RELT: variants seen among roughly 807,000 people sequenced by gnomAD.
RELT encodes the protein tumor necrosis factor receptor superfamily member 19L.
RELT carries 37 observed loss-of-function variants against 51.1 expected under a neutral mutation model. The observed-to-expected ratio is 0.72, with a 90% CI of 0.56 to 0.95. The LOEUF is 0.95. Among genes scored for constraint, RELT ranks in the 40% least tolerant of loss-of-function variants. The probability of loss-of-function intolerance (pLI) is 0.00; values close to 1 mark genes in which losing one functional copy is unlikely to be tolerated. For synonymous variants in RELT, 241 were observed against 235.7 expected (o/e 1.02, Z -0.21); for missense variants, 535 against 572.6 (o/e 0.93, Z 0.67).
Position 73,392,553 on chromosome 11 carries a change from G to C in RELT, c.625+85G>C. On this transcript the variant is annotated intron_variant, in intron 6 of 10. Transcript: ENST00000064780. ...ACTTGGGGGCTGCCAGCGGAATCCT[G>C]CCTGGCCTCTGGGGTCTGAGAGGGA... The C allele has an allele frequency of 2.0e-6, 3 of 1,515,616 alleles. No homozygotes were observed. The South Asian group carries it at 3.6e-5, about 18-fold the overall frequency. The allele number at this position is 1,515,616 out of a possible 1,614,324, so 93.9% of individuals were successfully genotyped here.
chr11:73,394,789 C>A lies in RELT; in HGVS notation c.1046+55C>A. 1.3e-6 allele frequency: 2 copies of A among 1,574,286 alleles called. No homozygotes were observed. The highest frequency in any genetic ancestry group is 2.3e-5 in the East Asian group (1 of 44,246). On this transcript the variant is annotated intron_variant, in intron 9 of 10. Transcript: ENST00000064780. This position sits in a 1 kb window ranked among gnomAD's most constrained non-coding sequence, Gnocchi z 4.9. ...GGTAAAGACGTGACAGCCTGGGGGCCGGGAGGGGGAGGCAGGGCCCCAGCT... is the reference window on the plus strand; with the variant it reads ...GGTAAAGACGTGACAGCCTGGGGGCAGGGAGGGGGAGGCAGGGCCCCAGCT...
At chr11:73,385,778 G>A (rs1340278103) in intron 1 of RELT, among the ~76,000 whole-genome samples, 3 of 152,216 alleles carry the variant, frequency 2.0e-5, no homozygotes, top group Non-Finnish European at 2.9e-5. Context: ...TGGAATCCCA[G>A]TACTTTGGGA....
In RELT at chr11:73,394,303, C is replaced by T. The variant is rs779358521; in HGVS notation, c.774C>T (p.His258=). Residue 258 remains histidine, a synonymous_variant, in exon 8 of 11, where the codon CAC becomes CAT. Transcript: ENST00000064780. The surrounding 1 kb of genome is among the most constrained non-coding windows in gnomAD (Gnocchi z 4.9). ...YHSKQLVQTS[H]RPVSKLPPAP... The stretch of plus-strand genomic sequence containing the variant: ...GCAAACAGCTGGTGCAGACGAGCCA[C>T]AGGCCTGTGTCCAAGTGAGTGGGCT... 6.2e-6 allele frequency: 10 copies of T among 1,613,024 alleles called. No homozygotes were observed. Among genetic ancestry groups the T allele is most frequent in the Non-Finnish European group, 8.5e-6 (10 of 1,179,948 alleles).
rs78317236 is a variant in RELT, at chr11:73,388,301, T to A, written c.-25-811T>A. Among the ~76,000 whole-genome samples, 16 of 152,306 alleles carry A rather than the reference T, an allele frequency of 1.1e-4. No homozygotes were observed. In the East Asian group the frequency reaches 3.1e-3, roughly 29 times the overall value. On this transcript the variant is annotated intron_variant, in intron 1 of 10. Coordinates refer to ENST00000064780, the MANE Select transcript of RELT (RefSeq NM_152222.2). This position sits in a 1 kb window ranked among gnomAD's most constrained non-coding sequence, Gnocchi z 4.1. Reference sequence around the variant, plus strand: ...GCAGACAGGGACCTTGTCTGTCTTGTTCATACCGATTTCTCCAGTGCCCGC... The same window carrying A: ...GCAGACAGGGACCTTGTCTGTCTTGATCATACCGATTTCTCCAGTGCCCGC...
intron 5 of RELT, 53 bp downstream of exon 5, chr11:73,391,276 C>A: frequency 6.6e-7 from 1 of 1,519,842 alleles, no homozygotes; most frequent in Non-Finnish European, 9.0e-7. Context: ...CGGGAGGGGC[C>A]AGTGAGTTGG....
Position 73,393,440 on chromosome 11 carries a change from G to T in RELT, c.626-397G>T. 5.0e-6 allele frequency: 6 copies of T among 1,194,662 alleles called. No homozygotes were observed. In the South Asian group the frequency reaches 9.4e-5, roughly 19 times the overall value. 74.0% of individuals were successfully genotyped at this position (1,194,662 alleles called of 1,614,324 possible). ...TTGTTACATAGGGCACAGTAGAGAGGCCATGGAATAGCAGTTTGCTGTAGA... is the reference window on the plus strand; with the variant it reads ...TTGTTACATAGGGCACAGTAGAGAGTCCATGGAATAGCAGTTTGCTGTAGA... On this transcript the variant is annotated intron_variant, in intron 6 of 10. Transcript: ENST00000064780.
chr11:73,397,046 A>C lies in RELT; in HGVS notation c.*1555A>C, dbSNP rs1866329957. ...TGCTTTGAAATCTGGAGTGTATCTT[A>C]CACATCTTGATTGGAACTCAAATAT... On this transcript the variant is annotated 3_prime_UTR_variant, in exon 11 of 11. Transcript: ENST00000064780. The C allele has an allele frequency of 6.6e-6, 1 of 152,224 alleles. No homozygotes were observed. The highest frequency in any genetic ancestry group is 1.5e-5 in the Non-Finnish European group (1 of 68,038). The allele number at this position is 152,224 out of a possible 1,614,324, so 9.4% of individuals were successfully genotyped here. A position where few individuals can be genotyped will look rare whatever the true frequency, so the allele number is the denominator to read the frequency against.
At chr11:73,378,209 C>G (rs1235173316) in intron 1 of RELT, among the ~76,000 whole-genome samples, 1 of 152,104 alleles carries the variant, frequency 6.6e-6, no homozygotes, top group Non-Finnish European at 1.5e-5. Flanking sequence ...GTATGAAGGT[C>G]TGTGGGGTTC....
rs11826896 is a variant in RELT, at chr11:73,389,187, C to T, written c.45+6C>T. 394,512 of 1,538,802 alleles carry T rather than the reference C, an allele frequency of 0.26. 57,547 individuals are homozygous for T. The highest frequency in any genetic ancestry group is 0.6 in the African/African-American group (43,628 of 72,322). Reference sequence around the variant, plus strand: ...CCCTGTCCTGCTTCCTTATGGTGAGCTGGGGATGGGCCCTGGGAAGGAGAA... The same window carrying T: ...CCCTGTCCTGCTTCCTTATGGTGAGTTGGGGATGGGCCCTGGGAAGGAGAA... On this transcript the variant is annotated splice_donor_region_variant and intron_variant, in intron 2 of 10. Coordinates refer to ENST00000064780, the MANE Select transcript of RELT (RefSeq NM_152222.2).
chr11:73,389,051 G>A (rs1244388236), intron 1 of RELT, 61 bp from the exon 2 acceptor site: 5 of 844,412 alleles, frequency 5.9e-6, no homozygotes. Context: ...TGGTGCTGAG[G>A]GGACAGCAGC....
chr11:73,379,716 A>G (rs569531549), intron 1 of RELT, among the ~76,000 whole-genome samples: 30 of 152,316 alleles, frequency 2.0e-4, no homozygotes, highest in African/African-American at 6.0e-4. Context: ...GGCCTGCCTC[A>G]TATTCCAGCT....
At chr11:73,380,328 G>A (rs1050618548) in intron 1 of RELT, among the ~76,000 whole-genome samples, 1 of 152,206 alleles carries the variant, frequency 6.6e-6, no homozygotes, top group Admixed American at 6.5e-5. Context: ...GTGCTGGCGG[G>A]TGGGGGCAAA....
Position 73,390,680 on chromosome 11 carries a change from C to T in RELT, c.120+55C>T, listed in dbSNP as rs566143982. 18 of 1,611,170 alleles carry T rather than the reference C, an allele frequency of 1.1e-5. No homozygotes were observed. The South Asian group carries it at 1.6e-4, about 15-fold the overall frequency. ...CTGGGAGGGCCCTGAGGGCCAGGGG[C>T]AGAGTCCTGTGCCTGGCCCCCAAGG... On this transcript the variant is annotated intron_variant, in intron 3 of 10. Transcript: ENST00000064780.
intron 1 of RELT, among the ~76,000 whole-genome samples, chr11:73,383,407 C>T (rs1241386539): frequency 6.6e-6 from 1 of 152,208 alleles, no homozygotes; most frequent in Non-Finnish European, 1.5e-5. Context: ...CAGACTAGAA[C>T]AATATGCAAA....
In RELT at chr11:73,390,920, G is replaced by A. The variant is rs1455040908; in HGVS notation, c.286G>A (p.Gly96Arg). 12 of 1,611,800 alleles carry A rather than the reference G, an allele frequency of 7.4e-6. No homozygotes were observed. Among genetic ancestry groups the A allele is most frequent in the African/African-American group, 1.3e-5 (1 of 74,806 alleles). Residue 96 changes from glycine (G) to arginine (R), a missense_variant and splice_region_variant, in exon 4 of 11, where the codon GGG (glycine) becomes AGG (arginine). Coordinates refer to ENST00000064780, the MANE Select transcript of RELT (RefSeq NM_152222.2). The part of the protein sequence containing the change: ...RDTLCGDCWP[G>R]WFGPWGVPRV... Reference sequence around the variant, plus strand: ...TACACTCTGTGGAGACTGCTGGCCTGGGTAAGCCAAAGGGAGTGCGGGGAG... The same window carrying A: ...TACACTCTGTGGAGACTGCTGGCCTAGGTAAGCCAAAGGGAGTGCGGGGAG...
rs1477854726 is a variant in RELT, at chr11:73,388,324, C to T, written c.-25-788C>T. 6.6e-6 allele frequency among the ~76,000 whole-genome samples: 1 copy of T among 152,212 alleles called. No individual in the cohort carries two copies. The highest frequency in any genetic ancestry group is 2.4e-5 in the African/African-American group (1 of 41,458). On this transcript the variant is annotated intron_variant, in intron 1 of 10. Transcript: ENST00000064780. The surrounding 1 kb of genome is among the most constrained non-coding windows in gnomAD (Gnocchi z 4.1). ...TGTTCATACCGATTTCTCCAGTGCCCGCACGCAGTAGGTGCTGGAGAGATG... is the reference window on the plus strand; with the variant it reads ...TGTTCATACCGATTTCTCCAGTGCCTGCACGCAGTAGGTGCTGGAGAGATG...
intron 1 of RELT, among the ~76,000 whole-genome samples, chr11:73,386,333 G>A (rs954457114): frequency 6.6e-6 from 1 of 152,256 alleles, no homozygotes; most frequent in African/African-American, 2.4e-5. Flanking sequence ...ATGAGGCAGA[G>A]ACGGATATGG....
intron 2 of RELT, 27 bp from the exon 3 acceptor site, chr11:73,390,524 C>T (rs756504727): frequency 3.7e-6 from 6 of 1,609,384 alleles, no homozygotes; most frequent in Non-Finnish European, 5.1e-6. Context: ...CACTTTCTGC[C>T]TCTTTCAATG....
intron 1 of RELT, among the ~76,000 whole-genome samples, chr11:73,382,717 A>T: frequency 6.6e-6 from 1 of 152,126 alleles, no homozygotes; most frequent in Non-Finnish European, 1.5e-5. Flanking sequence ...TGAAGCATGG[A>T]ACACTGTCTT....
Sources: allele counts gnomAD v4.1 joint callset (sites outside exome capture counted in the v4.1 genomes callset), GRCh38; gene constraint gnomAD v4.1.1; non-coding constraint Gnocchi (gnomAD v3.1); transcripts MANE v1.5; gene names NCBI Gene and HGNC (gene_info 2026-07-23, HGNC 2026-07-21).